Variants in PDGFD observed in about 807,000 individuals in gnomAD.
PDGFD encodes platelet-derived growth factor D.
Under a neutral mutation model 44.7 loss-of-function variants are expected in PDGFD, and 30 were observed. That is an observed-to-expected ratio of 0.67 (90% CI 0.50 to 0.91). The LOEUF is 0.91. Ranked by LOEUF, PDGFD falls within the 40% of genes least tolerant of loss-of-function variation. The pLI is 0.00. For synonymous variants in PDGFD, 173 were observed against 168.4 expected (o/e 1.03, Z -0.21); for missense variants, 445 against 457.8 (o/e 0.97, Z 0.25).
In PDGFD at chr11:104,149,627, G is replaced by C. The variant is rs541840139; in HGVS notation, c.124+14177C>G. On this transcript the variant is annotated intron_variant, in intron 1 of 6. Coordinates refer to ENST00000393158, the MANE Select transcript of PDGFD (RefSeq NM_025208.5). ...GTGCTTCCCTCCTGCTCCATTTGTT[G>C]TAGTGCACTTGTATGATTATTTTAC... Among the ~76,000 whole-genome samples, 46 of 152,212 alleles carry C rather than the reference G, an allele frequency of 3.0e-4. 1 individual carries two copies. The South Asian group carries it at 9.1e-3, about 30-fold the overall frequency.
At chr11:104,147,312 C>T (rs1862178142) in intron 1 of PDGFD, among the ~76,000 whole-genome samples, 4 of 152,128 alleles carry the variant, frequency 2.6e-5, no homozygotes, top group Admixed American at 2.6e-4. Flanking sequence ...GAAAGTTTTA[C>T]AGGGCATCAT....
rs758382585 is a variant in PDGFD at position 103,943,439 on chromosome 11, G to A, written c.772+13C>T. 2.5e-6 allele frequency: 4 copies of A among 1,604,980 alleles called. No homozygotes were observed. In the East Asian group the frequency reaches 6.7e-5, roughly 27 times the overall value. ...ATGTGCTTATGAAGAATGTACAAGTGTCTGTCTCTTACCTTTTGACTTCCG... is the reference window on the plus strand; with the variant it reads ...ATGTGCTTATGAAGAATGTACAAGTATCTGTCTCTTACCTTTTGACTTCCG... On this transcript the variant is annotated intron_variant, in intron 5 of 6. Transcript: ENST00000393158.
At chr11:104,068,609 T>G (rs530050324) in intron 1 of PDGFD, among the ~76,000 whole-genome samples, 1 of 152,338 alleles carries the variant, frequency 6.6e-6, no homozygotes, top group African/African-American at 2.4e-5. Flanking sequence ...TCATAAGGTA[T>G]TAAATTGGAA....
At chr11:103,915,581 G>A (rs1858109812) in intron 6 of PDGFD, among the ~76,000 whole-genome samples, 2 of 151,970 alleles carry the variant, frequency 1.3e-5, no homozygotes, top group South Asian at 2.1e-4. Context: ...CACAGAATTG[G>A]AAAAAACAAC....
intron 1 of PDGFD, among the ~76,000 whole-genome samples, chr11:104,141,175 C>T (rs190749431): frequency 5.9e-5 from 9 of 152,190 alleles, no homozygotes; most frequent in Admixed American, 3.9e-4. Flanking sequence ...CTAAAACCAA[C>T]GTAGTTAAAA....
chr11:104,017,284 C>T (rs1243401856), intron 1 of PDGFD, among the ~76,000 whole-genome samples: 2 of 152,164 alleles, frequency 1.3e-5, no homozygotes, highest in East Asian at 1.9e-4. Context: ...TTTATTATGG[C>T]AGCTTGAGCG....
intron 2 of PDGFD, among the ~76,000 whole-genome samples, chr11:103,997,134 T>C (rs573808486): frequency 2.0e-5 from 3 of 152,342 alleles, no homozygotes; most frequent in African/African-American, 7.2e-5. Flanking sequence ...AACCTTCTAC[T>C]TGATAAGCTG....
At chr11:104,101,398 A>T (rs1184768418) in intron 1 of PDGFD, among the ~76,000 whole-genome samples, 1 of 152,156 alleles carries the variant, frequency 6.6e-6, no homozygotes, top group Non-Finnish European at 1.5e-5. Flanking sequence ...CTTACAAGGG[A>T]CATGAAGGAC....
At chr11:104,068,809 C>T (rs61892463) in intron 1 of PDGFD, among the ~76,000 whole-genome samples, 3 of 151,508 alleles carry the variant, frequency 2.0e-5, no homozygotes, top group Admixed American at 6.6e-5. Context: ...ATTCTTCTCT[C>T]TCCCTTTCTC....
chr11:104,105,199 T>A (rs1049378854), intron 1 of PDGFD, among the ~76,000 whole-genome samples: 1 of 152,172 alleles, frequency 6.6e-6, no homozygotes, highest in Non-Finnish European at 1.5e-5. Context: ...CTGGTATGGT[T>A]TTGACCTCAG....
intron 1 of PDGFD, among the ~76,000 whole-genome samples, chr11:104,060,488 G>C (rs571797077): frequency 6.6e-6 from 1 of 152,150 alleles, no homozygotes; most frequent in African/African-American, 2.4e-5. Flanking sequence ...GCAGGGGTTG[G>C]GAAGGGTTGA....
At chr11:103,952,013 G>C (rs1379667559) in intron 3 of PDGFD, among the ~76,000 whole-genome samples, 1 of 152,128 alleles carries the variant, frequency 6.6e-6, no homozygotes, top group African/African-American at 2.4e-5. Context: ...TATACATAAG[G>C]ATAATGATCA....
At chr11:103,936,104 A>G (rs1858484183) in intron 5 of PDGFD, among the ~76,000 whole-genome samples, 1 of 152,230 alleles carries the variant, frequency 6.6e-6, no homozygotes, top group African/African-American at 2.4e-5. Flanking sequence ...GAAGCTAACC[A>G]TCTTTCAATA....
chr11:104,057,366 C>A (rs1383777561), intron 1 of PDGFD, among the ~76,000 whole-genome samples: 2 of 152,148 alleles, frequency 1.3e-5, no homozygotes, highest in Non-Finnish European at 2.9e-5. Flanking sequence ...AGTCTGATAT[C>A]ATAATTTATA....
chr11:103,958,601 C>G (rs1483107790), intron 3 of PDGFD, among the ~76,000 whole-genome samples: 2 of 152,168 alleles, frequency 1.3e-5, no homozygotes, highest in Non-Finnish European at 2.9e-5. Flanking sequence ...GTGCCTGGTA[C>G]ATAGTAAGCA....
Position 103,926,892 on chromosome 11 carries a change from G to T in PDGFD, c.987+20C>A. 2 of 1,603,616 alleles carry T rather than the reference G, an allele frequency of 1.2e-6. No individual in the cohort carries two copies. The highest frequency in any genetic ancestry group is 1.7e-6 in the Non-Finnish European group (2 of 1,173,424). ...TCCTATAGATTAAGCATTGCAACAA[G>T]AAATCTAAGAATGACATACCTCATG... On this transcript the variant is annotated intron_variant, in intron 6 of 6. Coordinates refer to ENST00000393158, the MANE Select transcript of PDGFD (RefSeq NM_025208.5).
intron 1 of PDGFD, among the ~76,000 whole-genome samples, chr11:104,078,325 G>C (rs1860996424): frequency 6.6e-6 from 1 of 152,140 alleles, no homozygotes; most frequent in South Asian, 2.1e-4. Flanking sequence ...CTGTTTTTGA[G>C]GCATGCTGGA....
At chr11:104,086,451 T>TC (rs1861132355) in intron 1 of PDGFD, among the ~76,000 whole-genome samples, 1 of 152,224 alleles carries the variant, frequency 6.6e-6, no homozygotes, top group Non-Finnish European at 1.5e-5. Flanking sequence ...TAATCAATGA[T>TC]ATCTTATATT....
At chr11:104,151,742 T>G (rs1862248494) in intron 1 of PDGFD, among the ~76,000 whole-genome samples, 1 of 152,182 alleles carries the variant, frequency 6.6e-6, no homozygotes, top group Non-Finnish European at 1.5e-5. Flanking sequence ...GGTCCTAAAA[T>G]TAAAAGTTGC....
Sources: allele counts gnomAD v4.1 joint callset (sites outside exome capture counted in the v4.1 genomes callset), GRCh38; gene constraint gnomAD v4.1.1; transcripts MANE v1.5; gene names NCBI Gene and HGNC (gene_info 2026-07-23, HGNC 2026-07-21).